SLC26A7: variants seen among roughly 807,000 people sequenced by gnomAD.
SLC26A7 encodes the protein solute carrier family 26 member 7.
Under a neutral mutation model 82.5 loss-of-function variants are expected in SLC26A7, and 59 were observed. The ratio of observed to expected loss-of-function variants is 0.72; its 90% confidence interval spans 0.58 to 0.89. SLC26A7 has a LOEUF of 0.89. Ranked by LOEUF, SLC26A7 falls within the 40% of genes least tolerant of loss-of-function variation. The pLI is 0.00. For synonymous variants in SLC26A7, 271 were observed against 274.3 expected (o/e 0.99, Z 0.12); for missense variants, 820 against 793.0 (o/e 1.03, Z -0.41).
At chr8:91,380,439 A>G (rs1410506652) in intron 15 of SLC26A7, among the ~76,000 whole-genome samples, 2 of 152,170 alleles carry the variant, frequency 1.3e-5, no homozygotes, top group African/African-American at 4.8e-5. Context: ...GTTTGTGTGC[A>G]TTTAACCATC....
intron 2 of SLC26A7, among the ~76,000 whole-genome samples, chr8:91,257,014 G>A (rs1206720926): frequency 6.6e-6 from 1 of 152,052 alleles, no homozygotes; most frequent in African/African-American, 2.4e-5. Context: ...CTGACTCTGA[G>A]CCTCCCTTCA....
chr8:91,251,253 A>G (rs10956798), intron 2 of SLC26A7, among the ~76,000 whole-genome samples: 6,892 of 152,108 alleles, frequency 0.045, 174 homozygotes, highest in African/African-American at 0.063. Flanking sequence ...TCAGTAGTTA[A>G]TTATATGGCT....
At chr8:91,321,769 A>T (rs1812796926) in intron 5 of SLC26A7, among the ~76,000 whole-genome samples, 1 of 152,196 alleles carries the variant, frequency 6.6e-6, no homozygotes, top group Non-Finnish European at 1.5e-5. Context: ...TGTAAACTTT[A>T]AAGATTACAT....
chr8:91,312,492 G>A (rs1218369488), intron 4 of SLC26A7, among the ~76,000 whole-genome samples: 1 of 152,052 alleles, frequency 6.6e-6, no homozygotes, highest in Admixed American at 6.6e-5. Flanking sequence ...TGGACCATAT[G>A]GTAATTCTAT....
At chr8:91,214,644 A>T (rs948032179) in intron 1 of SLC26A7, among the ~76,000 whole-genome samples, 3 of 152,140 alleles carry the variant, frequency 2.0e-5, no homozygotes, top group Non-Finnish European at 4.4e-5. Context: ...CAATGAAGGG[A>T]TTAGACCAGT....
At chr8:91,321,638 G>A (rs1007900899) in intron 5 of SLC26A7, among the ~76,000 whole-genome samples, 18 of 152,132 alleles carry the variant, frequency 1.2e-4, no homozygotes, top group Admixed American at 1.2e-3. Flanking sequence ...CTTTTATTTA[G>A]CCTTCCTAAA....
At chr8:91,222,794 A>T (rs1810178982) in intron 2 of SLC26A7, among the ~76,000 whole-genome samples, 1 of 152,082 alleles carries the variant, frequency 6.6e-6, no homozygotes. Flanking sequence ...CATGTTCATC[A>T]GTTTTCTTTT....
At chr8:91,228,280 G>A (rs1219611104) in intron 2 of SLC26A7, among the ~76,000 whole-genome samples, 2 of 152,244 alleles carry the variant, frequency 1.3e-5, no homozygotes, top group Non-Finnish European at 2.9e-5. Context: ...AGTAAACATA[G>A]GTGTTGGCGA....
chr8:91,350,912 C>T (rs1208850084), intron 9 of SLC26A7, among the ~76,000 whole-genome samples: 6 of 152,244 alleles, frequency 3.9e-5, no homozygotes, highest in Middle Eastern at 3.4e-3. Context: ...ATTGTATTCC[C>T]ACCAGCAATG....
At chr8:91,241,615 G>A (rs1480098335) in intron 2 of SLC26A7, among the ~76,000 whole-genome samples, 2 of 152,034 alleles carry the variant, frequency 1.3e-5, no homozygotes, top group African/African-American at 4.8e-5. Flanking sequence ...TTTAAAAGTT[G>A]AGTTTTAATT....
At chr8:91,233,291 G>A (rs1022496999) in intron 2 of SLC26A7, among the ~76,000 whole-genome samples, 1 of 152,184 alleles carries the variant, frequency 6.6e-6, no homozygotes, top group Non-Finnish European at 1.5e-5. Context: ...GAGGGGCAGG[G>A]CGCAGTGGCT....
chr8:91,242,857 A>T (rs539834460), intron 2 of SLC26A7, among the ~76,000 whole-genome samples: 1 of 152,240 alleles, frequency 6.6e-6, no homozygotes, highest in Non-Finnish European at 1.5e-5. Context: ...AGCTAACATT[A>T]TAAGTGAAAA....
In SLC26A7 at chr8:91,340,486, G is replaced by A. The variant is rs955084735; in HGVS notation, c.961G>A (p.Val321Met). ...EAFGVALVGYVASLALAQGSA... is the reference protein window; with the variant it reads ...EAFGVALVGYMASLALAQGSA... Reference sequence around the variant, plus strand: ...TTTCGGAGTGGCACTTGTAGGCTATGTGGCCTCACTGGCTCTTGCTCAAGG... The same window carrying A: ...TTTCGGAGTGGCACTTGTAGGCTATATGGCCTCACTGGCTCTTGCTCAAGG... Residue 321 changes from valine (V) to methionine (M), a missense_variant, in exon 8 of 19, where the codon GTG (valine) becomes ATG (methionine). Transcript: ENST00000276609. 18 of 1,613,854 alleles carry A rather than the reference G, an allele frequency of 1.1e-5. No homozygotes were observed. The highest frequency in any genetic ancestry group is 1.5e-5 in the Non-Finnish European group (18 of 1,179,960).
chr8:91,339,338 C>G (rs1430595437), intron 7 of SLC26A7, among the ~76,000 whole-genome samples: 1 of 151,896 alleles, frequency 6.6e-6, no homozygotes, highest in Non-Finnish European at 1.5e-5. Flanking sequence ...TTTGAGTGAC[C>G]TTTCCAGACC....
chr8:91,244,778 C>G (rs1810522023), upstream of SLC26A7, among the ~76,000 whole-genome samples: 1 of 152,032 alleles, frequency 6.6e-6, no homozygotes, highest in Non-Finnish European at 1.5e-5. Context: ...ACCCCTGCCT[C>G]CCAAAGTGCT....
intron 15 of SLC26A7, among the ~76,000 whole-genome samples, chr8:91,379,087 A>T (rs912037452): frequency 5.3e-5 from 8 of 152,010 alleles, no homozygotes; most frequent in Non-Finnish European, 8.8e-5. Context: ...TTAGAAGTGA[A>T]TTTAAATAAA....
In SLC26A7 at chr8:91,388,054, T is replaced by C. The variant is rs1814844972; in HGVS notation, c.1676-1284T>C. Among the ~76,000 whole-genome samples, 2 of 152,252 alleles carry C rather than the reference T, an allele frequency of 1.3e-5. 1 individual carries two copies. On this transcript the variant is annotated intron_variant, in intron 15 of 18. Coordinates refer to ENST00000276609, the MANE Select transcript of SLC26A7 (RefSeq NM_052832.4). ...GAAATTACTTTGTAGCATTTCTCCT[T>C]TTCCTAACAGTTACTGTCATATATA... is the stretch of plus-strand genomic sequence containing the variant.
intron 2 of SLC26A7, among the ~76,000 whole-genome samples, chr8:91,279,951 G>T (rs976788443): frequency 6.6e-6 from 1 of 152,068 alleles, no homozygotes; most frequent in African/African-American, 2.4e-5. Flanking sequence ...AAAAAATCAG[G>T]TTACTTATTT....
At chr8:91,267,055 T>C (rs4483110) in intron 2 of SLC26A7, among the ~76,000 whole-genome samples, 16,853 of 151,986 alleles carry the variant, frequency 0.11, 1,124 homozygotes, top group Middle Eastern at 0.21. Context: ...GTTGGTGTAT[T>C]CTCAACCTTC....
Sources: allele counts gnomAD v4.1 joint callset (sites outside exome capture counted in the v4.1 genomes callset), GRCh38; gene constraint gnomAD v4.1.1; transcripts MANE v1.5; gene names NCBI Gene and HGNC (gene_info 2026-07-23, HGNC 2026-07-21).